Variants in MYH7B observed in about 807,000 individuals in gnomAD.
The protein encoded by MYH7B is myosin heavy chain 7B.
MYH7B carries 205 observed loss-of-function variants against 234.5 expected under a neutral mutation model. That is an observed-to-expected ratio of 0.87 (90% CI 0.78 to 0.98). The LOEUF (loss-of-function observed/expected upper bound fraction) is 0.98. MYH7B is among the 50% of genes least tolerant of loss of function. MYH7B has a pLI of 0.00. For missense variants in MYH7B, 2,652 were observed against 2,633.4 expected, an observed-to-expected ratio of 1.01 and a Z score of -0.15; for synonymous variants, 1,193 against 1,105.0, an observed-to-expected ratio of 1.08 and a Z score of -1.58.
intron 2 of MYH7B, among the ~76,000 whole-genome samples, chr20:34,958,916 G>A (rs2081666496): frequency 6.6e-6 from 1 of 152,202 alleles, no homozygotes; most frequent in African/African-American, 2.4e-5. Flanking sequence ...CCTGCCACGT[G>A]GCAGATGCTC....
chr20:34,985,949 CA>C (rs2082013668), intron 13 of MYH7B, 150 bp from the exon 14 acceptor site: 1 of 675,578 alleles, frequency 1.5e-6, no homozygotes, highest in Non-Finnish European at 2.7e-6. Flanking sequence ...GACGCAGGCA[CA>C]GGGGAGATAC....
chr20:34,993,542 C>T, intron 26 of MYH7B, 72 bp downstream of exon 26: 1 of 1,430,504 alleles, frequency 7.0e-7, no homozygotes, highest in Non-Finnish European at 9.2e-7. Flanking sequence ...CTGGCTCTCC[C>T]AACCCTAACA....
At chr20:34,964,753 T>C (rs1040005898) in intron 2 of MYH7B, among the ~76,000 whole-genome samples, 16 of 152,156 alleles carry the variant, frequency 1.1e-4, no homozygotes, top group African/African-American at 3.9e-4. Flanking sequence ...ATCCCACCTC[T>C]ACAAAAAATT....
chr20:34,991,078 C>T lies in MYH7B; in HGVS notation c.2140C>T (p.Gln714Ter). The T allele has an allele frequency of 6.2e-7, 1 of 1,613,584 alleles. No individual in the cohort carries two copies. The highest frequency in any genetic ancestry group is 8.5e-7 in the Non-Finnish European group (1 of 1,179,728). ...CCTGGAGGGGATCCGGATCTGCCGC[C>T]AAGGGTTCCCCAACAGGTTGCTCTA... The change falls in exon 24 of 45, where the codon CAA (glutamine) becomes TAA (stop). Residue 714 changes from glutamine to a stop codon, truncating the protein, a stop_gained. Coordinates refer to ENST00000262873, the Ensembl canonical transcript of MYH7B. LOFTEE classifies it high-confidence loss of function.
Position 35,001,340 on chromosome 20 carries a change from C to G in MYH7B, c.5571C>G (p.Leu1857=). Residue 1857 remains leucine (L), a synonymous_variant, in exon 42 of 45, where the codon CTC becomes CTG. Transcript: ENST00000262873. Reference sequence around the variant, plus strand: ...AGCATGAGCGCCGTGTCAAGGAGCTCGCATACCAGGTGGGCGACAGGGTCT... The same window carrying G: ...AGCATGAGCGCCGTGTCAAGGAGCTGGCATACCAGGTGGGCGACAGGGTCT... The G allele has an allele frequency of 4.4e-6, 7 of 1,608,876 alleles. No individual in the cohort carries two copies. Among genetic ancestry groups the G allele is most frequent in the Non-Finnish European group, 4.2e-6 (5 of 1,177,910 alleles).
intron 8 of MYH7B, 101 bp downstream of exon 8, chr20:34,980,835 T>C: frequency 6.5e-7 from 1 of 1,534,712 alleles, no homozygotes; most frequent in Admixed American, 1.8e-5. Flanking sequence ...GCCCCCCTTT[T>C]GACGCTGCTG....
At chr20:34,988,803 T>A (rs1303999150) in intron 19 of MYH7B, among the ~76,000 whole-genome samples, 1 of 123,876 alleles carries the variant, frequency 8.1e-6, no homozygotes, top group East Asian at 2.4e-4. Context: ...AAATCCTTTA[T>A]CCCTTTTTTT....
chr20:34,983,779 C>A (rs950055449), intron 10 of MYH7B, among the ~76,000 whole-genome samples: 1 of 152,208 alleles, frequency 6.6e-6, no homozygotes, highest in African/African-American at 2.4e-5. Flanking sequence ...TGCCCAATGT[C>A]CCTGTGGGTA....
intron 2 of MYH7B, among the ~76,000 whole-genome samples, chr20:34,970,620 G>A (rs545896561): frequency 6.6e-6 from 1 of 152,306 alleles, no homozygotes; most frequent in East Asian, 1.9e-4. Context: ...AAGGACAAGG[G>A]AGCTATAGAT....
intron 16 of MYH7B, 129 bp downstream of exon 16, chr20:34,987,416 C>T: frequency 2.8e-6 from 4 of 1,433,814 alleles, no homozygotes; most frequent in Non-Finnish European, 3.8e-6. Flanking sequence ...AGCTCCAAAC[C>T]CTTACCCTCC....
At chr20:34,965,763 C>T (rs985771136) in intron 2 of MYH7B, among the ~76,000 whole-genome samples, 29 of 152,174 alleles carry the variant, frequency 1.9e-4, no homozygotes, top group African/African-American at 7.0e-4. Context: ...AAGGAAGCAG[C>T]CATGCCCCAG....
At chr20:34,972,948 TA>T (rs1318397285) in intron 2 of MYH7B, among the ~76,000 whole-genome samples, 1 of 152,218 alleles carries the variant, frequency 6.6e-6, no homozygotes, top group Non-Finnish European at 1.5e-5. Flanking sequence ...ATTTTAAAAA[TA>T]TTTTTTTGTA....
chr20:34,984,358 G>C (rs2081983695), intron 10 of MYH7B, among the ~76,000 whole-genome samples: 2 of 152,290 alleles, frequency 1.3e-5, no homozygotes, highest in African/African-American at 2.4e-5. Flanking sequence ...GGCTCTGGAG[G>C]GCCCTAGATT....
At chr20:34,995,185 T>A (rs574217612) in intron 27 of MYH7B, 151 bp from the exon 28 acceptor site, 342 of 753,264 alleles carry the variant, frequency 4.5e-4, no homozygotes, top group Middle Eastern at 3.1e-3. Context: ...TGCCCTTCCA[T>A]GCCCAAGAGC....
chr20:34,983,529 C>T (rs537259454), intron 10 of MYH7B, among the ~76,000 whole-genome samples: 2 of 151,968 alleles, frequency 1.3e-5, no homozygotes, highest in African/African-American at 4.8e-5. Flanking sequence ...CCAGAGCTGG[C>T]AGGGACACAG....
In MYH7B at chr20:34,999,234, G is replaced by C. The variant is rs374676753; in HGVS notation, c.4369G>C (p.Glu1457Gln). ...GCTGGACAAGAAGCAGCGGCACTTG[G>C]AACGGGCACTGGAGGAACGGCGGCG... The change falls in exon 36 of 45, where the codon GAA becomes CAA. Residue 1457 changes from glutamate to glutamine, a missense_variant. Physicochemically the swap from Glu to Gln is conservative, Grantham distance 29. Coordinates refer to ENST00000262873, the Ensembl canonical transcript of MYH7B. The C allele has an allele frequency of 1.7e-5, 27 of 1,609,834 alleles. No individual in the cohort carries two copies. The highest frequency in any genetic ancestry group is 2.3e-5 in the Non-Finnish European group (27 of 1,178,216).
chr20:34,981,075 C>G lies in MYH7B; in HGVS notation c.527+15C>G. ...ATGCTGATCACGTGAGTGTGGGGCT[C>G]TGGGGGTGGGGTGGAAAATGCTGGC... On this transcript the variant is annotated intron_variant, in intron 9 of 44. Transcript: ENST00000262873. The G allele has an allele frequency of 5.6e-6, 9 of 1,613,570 alleles. No homozygotes were observed. The highest frequency in any genetic ancestry group is 7.6e-6 in the Non-Finnish European group (9 of 1,179,828).
intron 2 of MYH7B, among the ~76,000 whole-genome samples, chr20:34,973,344 A>T (rs1346122521): frequency 1.3e-5 from 2 of 152,164 alleles, no homozygotes; most frequent in Non-Finnish European, 2.9e-5. Context: ...TTCCTAGACA[A>T]TGAGTGTCTT....
At chr20:34,997,487 A>G (rs1442206406) in exon 32 of MYH7B, 3 of 1,551,682 alleles carry the variant, frequency 1.9e-6, no homozygotes, top group East Asian at 2.5e-5. Context: ...CAGTGGCGGC[A>G]CTGCGGCGCA....
Sources: gnomAD v4.1 joint callset for allele counts (sites outside exome capture counted in the v4.1 genomes callset) on GRCh38, gnomAD v4.1.1 for gene constraint, MANE v1.5 for transcripts, NCBI Gene and HGNC (gene_info 2026-07-23, HGNC 2026-07-21) for gene names.